Variants in EYS observed in about 807,000 individuals in gnomAD.
EYS encodes protein eyes shut homolog.
In EYS, 250 loss-of-function variants were observed where a neutral mutation model predicts 282.1. The observed-to-expected ratio is 0.89, with a 90% CI of 0.80 to 0.98. The LOEUF (loss-of-function observed/expected upper bound fraction) is 0.98. Ranked by LOEUF, EYS falls within the 50% of genes least tolerant of loss-of-function variation. The pLI is 0.00. For missense variants in EYS, 4,016 were observed against 3,709.0 expected, an observed-to-expected ratio of 1.08 and a Z score of -2.15; for synonymous variants, 1,355 against 1,282.9, an observed-to-expected ratio of 1.06 and a Z score of -1.20.
chr6:64,782,252 C>A (rs1485993245), intron 22 of EYS, among the ~76,000 whole-genome samples: 1 of 152,198 alleles, frequency 6.6e-6, no homozygotes, highest in East Asian at 1.9e-4. Context: ...ATGTAGATTA[C>A]AAATTTGCAG....
chr6:65,284,300 C>T (rs1453780455), intron 12 of EYS, among the ~76,000 whole-genome samples: 1 of 152,068 alleles, frequency 6.6e-6, no homozygotes, highest in African/African-American at 2.4e-5. Flanking sequence ...ATGTGAATAT[C>T]CTGCTTCTGC....
At chr6:65,292,187 A>G (rs894852503) in intron 12 of EYS, among the ~76,000 whole-genome samples, 1 of 151,758 alleles carries the variant, frequency 6.6e-6, no homozygotes, top group Non-Finnish European at 1.5e-5. Context: ...TCTTAGGCAT[A>G]AATTACAAAA....
At chr6:65,434,882 T>C (rs1460919883) in intron 5 of EYS, among the ~76,000 whole-genome samples, 1 of 152,124 alleles carries the variant, frequency 6.6e-6, no homozygotes, top group African/African-American at 2.4e-5. Context: ...AATATCTCTT[T>C]CTTTTCGTAC....
At chr6:64,099,946 A>G (rs1206277369) in intron 31 of EYS, among the ~76,000 whole-genome samples, 1 of 152,132 alleles carries the variant, frequency 6.6e-6, no homozygotes, top group Non-Finnish European at 1.5e-5. Flanking sequence ...CTTTTTGATT[A>G]TTTGAGACTG....
chr6:63,785,908 G>C (rs1770349075), intron 39 of EYS: 2 of 152,164 alleles, frequency 1.3e-5, no homozygotes. Context: ...TAGTAGGCCA[G>C]ACCTGGTTGA....
chr6:65,009,143 T>C (rs1771784239), intron 13 of EYS, among the ~76,000 whole-genome samples: 1 of 151,936 alleles, frequency 6.6e-6, no homozygotes, highest in Non-Finnish European at 1.5e-5. Flanking sequence ...AGAAGGACAA[T>C]ATAGACGAGC....
chr6:64,725,065 A>T (rs1217374673), intron 22 of EYS, among the ~76,000 whole-genome samples: 1 of 152,160 alleles, frequency 6.6e-6, no homozygotes, highest in Non-Finnish European at 1.5e-5. Context: ...AGAAGAAAGT[A>T]AAAGAAGAGA....
At chr6:65,185,954 A>G (rs1004369726) in intron 12 of EYS, among the ~76,000 whole-genome samples, 4 of 150,026 alleles carry the variant, frequency 2.7e-5, no homozygotes, top group South Asian at 4.2e-4. Context: ...TAATCTCCAC[A>G]TCCACTTTTG....
rs1432152673 is a variant in EYS at position 64,439,215 on chromosome 6, T to C, written c.5782A>G (p.Asn1928Asp). The change falls in exon 27 of 43, where the codon AAT becomes GAT. Residue 1928 changes from asparagine to aspartate, a missense_variant. Physicochemically the swap from Asn to Asp is conservative, Grantham distance 23 (BLOSUM62 1). Coordinates refer to ENST00000503581, the MANE Select transcript of EYS (RefSeq NM_001142800.2). Reference protein sequence around the residue: ...GLLLYVKQDSNLVDGFFIQLF... With the variant: ...GLLLYVKQDSDLVDGFFIQLF... Reference sequence around the variant, plus strand: ...TGAATAAAAAATCCATCTACTAAATTTGAGTCTTGCTTGACATACAGCAGA... The same window carrying C: ...TGAATAAAAAATCCATCTACTAAATCTGAGTCTTGCTTGACATACAGCAGA... 2 of 1,481,712 alleles carry C rather than the reference T, an allele frequency of 1.3e-6. No homozygotes were observed. Among genetic ancestry groups the C allele is most frequent in the Admixed American group, 2.5e-5 (1 of 39,612 alleles). 91.8% of individuals were successfully genotyped at this position (1,481,712 alleles called of 1,614,324 possible). A position where few individuals can be genotyped will look rare whatever the true frequency, so the allele number is the denominator to read the frequency against.
At chr6:63,727,331 A>C (rs1302683389) in intron 41 of EYS, among the ~76,000 whole-genome samples, 1 of 151,998 alleles carries the variant, frequency 6.6e-6, no homozygotes, top group Non-Finnish European at 1.5e-5. Context: ...TTAGCCATTA[A>C]TCTAGTTATT....
chr6:64,269,310 A>G lies in EYS; in HGVS notation c.6191+37660T>C, dbSNP rs560454991. Among the ~76,000 whole-genome samples, 11 of 152,266 alleles carry G rather than the reference A, an allele frequency of 7.2e-5. No homozygotes were observed. In the South Asian group the frequency reaches 2.3e-3, roughly 32 times the overall value. On this transcript the variant is annotated intron_variant, in intron 30 of 42. Coordinates refer to ENST00000503581, the MANE Select transcript of EYS (RefSeq NM_001142800.2). Reference sequence around the variant, plus strand: ...TACCATAAGAATTTGGGGCTGAAAAATCAGTGCGACTAACATAGAATAATT... The same window carrying G: ...TACCATAAGAATTTGGGGCTGAAAAGTCAGTGCGACTAACATAGAATAATT...
chr6:64,918,213 T>A (rs1376090258), intron 15 of EYS, among the ~76,000 whole-genome samples: 4 of 152,056 alleles, frequency 2.6e-5, no homozygotes, highest in African/African-American at 9.7e-5. Flanking sequence ...TAAAAAATAT[T>A]TGTAAACATT....
intron 2 of EYS, among the ~76,000 whole-genome samples, chr6:65,636,022 C>T (rs918446224): frequency 2.0e-5 from 3 of 152,150 alleles, no homozygotes; most frequent in African/African-American, 7.2e-5. Context: ...GTGTGGCAGG[C>T]CTTGTGTCAA....
At chr6:63,939,409 G>A (rs946847315) in intron 35 of EYS, among the ~76,000 whole-genome samples, 2 of 152,134 alleles carry the variant, frequency 1.3e-5, no homozygotes, top group African/African-American at 4.8e-5. Context: ...ACTGTTAACG[G>A]GGTTGGGAAA....
At chr6:64,757,719 A>T (rs4710492) in intron 22 of EYS, among the ~76,000 whole-genome samples, 67,743 of 148,350 alleles carry the variant, frequency 0.46, 17,568 homozygotes, top group Admixed American at 0.61. Flanking sequence ...CATCTACAAA[A>T]GATTAATTTT....
chr6:64,224,906 C>T (rs570762890), intron 31 of EYS, among the ~76,000 whole-genome samples: 2 of 151,934 alleles, frequency 1.3e-5, no homozygotes, highest in South Asian at 4.1e-4. Context: ...TGTCTAGTTA[C>T]TATTTCACAA....
chr6:64,467,477 T>C (rs1054085299), intron 26 of EYS, among the ~76,000 whole-genome samples: 6 of 152,184 alleles, frequency 3.9e-5, no homozygotes, highest in African/African-American at 1.4e-4. Flanking sequence ...GTATGCAATA[T>C]TCATCAACAT....
intron 1 of EYS, among the ~76,000 whole-genome samples, chr6:65,666,343 G>C (rs773718970): frequency 1.3e-5 from 2 of 151,716 alleles, no homozygotes; most frequent in Non-Finnish European, 3.0e-5. Context: ...CAGGGACTTT[G>C]GAGCCAGAAT....
At chr6:65,314,257 G>A (rs1344165007) in intron 11 of EYS, among the ~76,000 whole-genome samples, 3 of 149,090 alleles carry the variant, frequency 2.0e-5, no homozygotes, top group Non-Finnish European at 4.5e-5. Context: ...GTTAATCCTT[G>A]TTTTGATTTT....
Sources: gnomAD v4.1 joint callset for allele counts (sites outside exome capture counted in the v4.1 genomes callset) on GRCh38, gnomAD v4.1.1 for gene constraint, MANE v1.5 for transcripts, NCBI Gene and HGNC (gene_info 2026-07-23, HGNC 2026-07-21) for gene names.